The following TRIM37 variants were observed in gnomAD, a reference collection of about 807,000 sequenced individuals.
TRIM37 encodes the protein tripartite motif containing 37, also known as E3 ubiquitin-protein ligase TRIM37.
Under a neutral mutation model 129.8 loss-of-function variants are expected in TRIM37, and 80 were observed. The ratio of observed to expected loss-of-function variants is 0.62; its 90% confidence interval spans 0.51 to 0.74. The LOEUF is 0.74. Ranked by LOEUF, TRIM37 falls within the 30% of genes least tolerant of loss-of-function variation. TRIM37 has a pLI of 0.00. For synonymous variants in TRIM37, 389 were observed against 387.1 expected (o/e 1.00, Z -0.06); for missense variants, 1,054 against 1,176.5 (o/e 0.90, Z 1.52).
downstream of TRIM37, chr17:58,982,257 ACTGT>A (rs2031400229): frequency 6.6e-6 from 1 of 152,514 alleles, no homozygotes; most frequent in Non-Finnish European, 1.5e-5. Context: ...ATATTTTGAA[ACTGT>A]CTGCTTTTTG....
intron 3 of TRIM37, among the ~76,000 whole-genome samples, chr17:59,090,915 C>A (rs1292895052): frequency 1.3e-5 from 2 of 152,112 alleles, no homozygotes; most frequent in Non-Finnish European, 2.9e-5. Context: ...TATGAGCGAG[C>A]CACTGTGCCC....
intron 2 of TRIM37, among the ~76,000 whole-genome samples, chr17:59,097,104 G>A (rs575738753): frequency 6.6e-6 from 1 of 151,934 alleles, no homozygotes; most frequent in African/African-American, 2.4e-5. Flanking sequence ...AGAAATAGAA[G>A]GGAACTTCCT....
intron 9 of TRIM37, among the ~76,000 whole-genome samples, chr17:59,064,717 T>C (rs998833899): frequency 2.6e-5 from 4 of 152,170 alleles, no homozygotes; most frequent in African/African-American, 9.7e-5. Flanking sequence ...AAGACCAGCA[T>C]GGCCAACATG....
intron 13 of TRIM37, among the ~76,000 whole-genome samples, 164 bp downstream of exon 13, chr17:59,056,711 G>A (rs181308167): frequency 1.1e-4 from 2 of 17,638 alleles, no homozygotes; most frequent in East Asian, 6.9e-3. Flanking sequence ...GCGAGACTAT[G>A]TCTCCAAAAA....
intron 19 of TRIM37, among the ~76,000 whole-genome samples, chr17:59,019,415 T>C (rs2036316223): frequency 6.6e-6 from 1 of 152,136 alleles, no homozygotes; most frequent in Admixed American, 6.5e-5. Flanking sequence ...TATGAGTCTA[T>C]ATAAAAAGTC....
At chr17:59,004,724 G>A (rs1272899330) in intron 22 of TRIM37, among the ~76,000 whole-genome samples, 4 of 152,132 alleles carry the variant, frequency 2.6e-5, no homozygotes, top group African/African-American at 7.2e-5. Context: ...AACTACCAAA[G>A]GTTACTCAAG....
intron 21 of TRIM37, among the ~76,000 whole-genome samples, chr17:59,013,436 C>T (rs941326028): frequency 4.0e-5 from 6 of 151,416 alleles, no homozygotes; most frequent in East Asian, 3.9e-4. Context: ...TGTGAGCCAC[C>T]GTGCCTGGCC....
At chr17:59,055,332 CAAAAAAAAAA>C (rs34519741) in intron 13 of TRIM37, among the ~76,000 whole-genome samples, 6 of 65,658 alleles carry the variant, frequency 9.1e-5, no homozygotes, top group African/African-American at 3.1e-4. Context: ...AACTCTGTCT[CAAAAAAAAAA>C]AAAAAAAAAA....
At chr17:58,986,420 A>G (rs1486182872) in intron 24 of TRIM37, among the ~76,000 whole-genome samples, 12 of 151,116 alleles carry the variant, frequency 7.9e-5, no homozygotes, top group Non-Finnish European at 1.5e-4. Context: ...GCTGGTCTCG[A>G]ACTCCTGACC....
downstream of TRIM37, among the ~76,000 whole-genome samples, chr17:58,993,274 A>C (rs2032638099): frequency 6.6e-6 from 1 of 152,210 alleles, no homozygotes; most frequent in African/African-American, 2.4e-5. Flanking sequence ...TCTCGGGTAT[A>C]TCTTTATCAG....
chr17:59,090,446 A>T (rs2044188306), intron 3 of TRIM37, among the ~76,000 whole-genome samples: 1 of 152,314 alleles, frequency 6.6e-6, no homozygotes, highest in East Asian at 1.9e-4. Context: ...TACAAAATAC[A>T]TGCACAAAAA....
intron 13 of TRIM37, among the ~76,000 whole-genome samples, chr17:59,056,511 C>G (rs983063266): frequency 6.6e-6 from 1 of 151,620 alleles, no homozygotes; most frequent in East Asian, 1.9e-4. Context: ...GGGCGGATCA[C>G]GAGGTCAGGA....
downstream of TRIM37, among the ~76,000 whole-genome samples, chr17:58,996,375 CAGG>C (rs1433423165): frequency 6.7e-6 from 1 of 150,056 alleles, no homozygotes; most frequent in African/African-American, 2.5e-5. Flanking sequence ...GAGGCTGAAG[CAGG>C]AGAATGGCTT....
chr17:59,045,888 C>T (rs866524672), intron 16 of TRIM37, among the ~76,000 whole-genome samples: 17 of 151,028 alleles, frequency 1.1e-4, no homozygotes, highest in South Asian at 4.2e-4. Flanking sequence ...TGGTGGTGCA[C>T]GCCTGTAATC....
chr17:59,047,070 C>T (rs1054425605), intron 16 of TRIM37, among the ~76,000 whole-genome samples: 13 of 151,128 alleles, frequency 8.6e-5, no homozygotes, highest in Admixed American at 2.6e-4. Flanking sequence ...AGGAGAATGG[C>T]GTAATCCGGA....
intron 21 of TRIM37, among the ~76,000 whole-genome samples, chr17:59,013,329 G>C (rs566381790): frequency 2.6e-5 from 4 of 152,162 alleles, no homozygotes; most frequent in African/African-American, 9.6e-5. Flanking sequence ...TTTGTTTTTA[G>C]TAGAGACAGT....
intron 19 of TRIM37, among the ~76,000 whole-genome samples, chr17:59,020,710 G>A (rs1456677637): frequency 6.6e-6 from 1 of 151,998 alleles, no homozygotes; most frequent in Non-Finnish European, 1.5e-5. Context: ...ATAGCAAACA[G>A]GCATATGAAA....
At chr17:58,972,041 A>C in the TRIM37 span, 2 of 1,254,068 alleles carry the variant, frequency 1.6e-6, no homozygotes, top group African/African-American at 1.5e-5. Flanking sequence ...TATAGCTCCC[A>C]GCTGAAAAGC....
intron 5 of TRIM37, among the ~76,000 whole-genome samples, chr17:59,083,784 T>C (rs1317813609): frequency 6.6e-6 from 1 of 152,172 alleles, no homozygotes; most frequent in Non-Finnish European, 1.5e-5. Flanking sequence ...GTTTTATAGG[T>C]GTTACAGATT....
Sources: allele counts gnomAD v4.1 joint callset (sites outside exome capture counted in the v4.1 genomes callset), GRCh38; gene constraint gnomAD v4.1.1; transcripts MANE v1.5; gene names NCBI Gene and HGNC (gene_info 2026-07-23, HGNC 2026-07-21).